The following PLCG2 variants were observed in gnomAD, a reference collection of about 807,000 sequenced individuals.
PLCG2 encodes 1-phosphatidylinositol 4,5-bisphosphate phosphodiesterase gamma-2.
In PLCG2, 69 loss-of-function variants were observed where a neutral mutation model predicts 175.6. That is an observed-to-expected ratio of 0.39 (90% CI 0.32 to 0.48). PLCG2 has a LOEUF of 0.48. Ranked by LOEUF, PLCG2 falls within the 20% of genes least tolerant of loss-of-function variation. The pLI is 0.91. For synonymous variants in PLCG2, 827 were observed against 624.0 expected, an observed-to-expected ratio of 1.33 and a Z score of -4.85; for missense variants, 1,798 against 1,650.9, an observed-to-expected ratio of 1.09 and a Z score of -1.54.
At chr16:81,766,762 A>G (rs1442582758) in intron 2 of PLCG2, 3 of 152,172 alleles carry the variant, frequency 2.0e-5, no homozygotes, top group Non-Finnish European at 4.4e-5. Context: ...AGTGTTCAGT[A>G]TTGTTCATGG....
In PLCG2 at chr16:81,960,838, A is replaced by C. The variant is rs1334798852; in HGVS notation, c.*2840A>C. The C allele has an allele frequency of 4.4e-6, 1 of 229,712 alleles. No homozygotes were observed. The highest frequency in any genetic ancestry group is 2.2e-5 in the African/African-American group (1 of 45,162). 14.2% of individuals were successfully genotyped at this position (229,712 alleles called of 1,614,324 possible). Reference sequence around the variant, plus strand: ...AGTATACCAGAGCTTTCCAAGGAATACACAGACTCCAGTACTCTCAGGGGA... The same window carrying C: ...AGTATACCAGAGCTTTCCAAGGAATCCACAGACTCCAGTACTCTCAGGGGA... On this transcript the variant is annotated 3_prime_UTR_variant, in exon 33 of 33. Transcript: ENST00000564138.
At chr16:81,771,044 C>A (rs1300129823) in intron 2 of PLCG2, among the ~76,000 whole-genome samples, 22 of 132,052 alleles carry the variant, frequency 1.7e-4, no homozygotes, top group Admixed American at 5.9e-4. Flanking sequence ...GGTGACAGAG[C>A]GAGACTCCAT....
chr16:81,891,818 C>T (rs947978736), intron 11 of PLCG2, among the ~76,000 whole-genome samples: 8 of 152,260 alleles, frequency 5.3e-5, no homozygotes, highest in African/African-American at 1.9e-4. Flanking sequence ...CCCTAAAAAG[C>T]TAGTAAAAAC....
chr16:81,954,118 G>A (rs1251862206), intron 31 of PLCG2, among the ~76,000 whole-genome samples: 2 of 152,048 alleles, frequency 1.3e-5, no homozygotes, highest in Non-Finnish European at 1.5e-5. Context: ...AACCTCCTGG[G>A]CTCATGTGAT....
intron 31 of PLCG2, among the ~76,000 whole-genome samples, chr16:81,956,459 G>T (rs551864616): frequency 4.5e-4 from 69 of 152,274 alleles, no homozygotes; most frequent in Non-Finnish European, 7.4e-4. Context: ...TCAATGTTTT[G>T]CAATAAATCA....
intron 6 of PLCG2, among the ~76,000 whole-genome samples, chr16:81,869,625 A>T (rs139649867): frequency 6.6e-6 from 1 of 152,196 alleles, no homozygotes; most frequent in African/African-American, 2.4e-5. Flanking sequence ...AAATGAATGC[A>T]TGTATGTCTT....
chr16:81,886,242 C>G (rs1908359770), intron 9 of PLCG2, among the ~76,000 whole-genome samples: 1 of 152,240 alleles, frequency 6.6e-6, no homozygotes, highest in East Asian at 1.9e-4. Context: ...CTTTGCTGGG[C>G]TGCCCTTAGA....
At chr16:81,878,514 C>G (rs1490038305) in intron 7 of PLCG2, among the ~76,000 whole-genome samples, 1 of 152,130 alleles carries the variant, frequency 6.6e-6, no homozygotes, top group East Asian at 1.9e-4. Context: ...CACCTGTGCC[C>G]CATACTGTCA....
intron 5 of PLCG2, among the ~76,000 whole-genome samples, chr16:81,864,146 G>C (rs991968793): frequency 3.3e-5 from 5 of 152,186 alleles, no homozygotes; most frequent in Non-Finnish European, 5.9e-5. Flanking sequence ...ATTTGTGAAA[G>C]TGGAGGCTGC....
At chr16:81,824,906 C>G (rs1053913708) in intron 2 of PLCG2, among the ~76,000 whole-genome samples, 1 of 152,078 alleles carries the variant, frequency 6.6e-6, no homozygotes, top group Non-Finnish European at 1.5e-5. Context: ...CCAGGTAGGC[C>G]CAATGTAATT....
intron 2 of PLCG2, among the ~76,000 whole-genome samples, chr16:81,837,574 A>G (rs917693684): frequency 6.6e-6 from 1 of 152,182 alleles, no homozygotes; most frequent in African/African-American, 2.4e-5. Context: ...AAGCGTTAAC[A>G]ACAGGCAGTG....
intron 1 of PLCG2, among the ~76,000 whole-genome samples, chr16:81,753,234 G>A (rs916497351): frequency 2.0e-5 from 3 of 151,756 alleles, no homozygotes; most frequent in African/African-American, 7.3e-5. Flanking sequence ...CACACAGCAC[G>A]AGCTTTAGTT....
At chr16:81,792,788 C>G (rs1911298790) in intron 2 of PLCG2, among the ~76,000 whole-genome samples, 1 of 152,112 alleles carries the variant, frequency 6.6e-6, no homozygotes, top group African/African-American at 2.4e-5. Flanking sequence ...TTACCTCCCA[C>G]TGGGTCCCTC....
intron 2 of PLCG2, among the ~76,000 whole-genome samples, chr16:81,797,381 G>C (rs981792935): frequency 1.3e-5 from 2 of 152,152 alleles, no homozygotes; most frequent in African/African-American, 2.4e-5. Flanking sequence ...GTCTTGATTT[G>C]TCTTGGGAGA....
At chr16:81,847,664 G>A (rs1276533883) in intron 2 of PLCG2, among the ~76,000 whole-genome samples, 1 of 152,160 alleles carries the variant, frequency 6.6e-6, no homozygotes, top group East Asian at 1.9e-4. Context: ...ATGGTCGATT[G>A]AAAATATTTG....
chr16:81,857,189 C>G (rs1428571720), intron 3 of PLCG2, among the ~76,000 whole-genome samples: 4 of 152,192 alleles, frequency 2.6e-5, no homozygotes, highest in Non-Finnish European at 5.9e-5. Context: ...CTGTTGATGT[C>G]TCCGTCATCC....
intron 1 of PLCG2, among the ~76,000 whole-genome samples, chr16:81,785,285 T>C (rs1185732070): frequency 6.6e-6 from 1 of 151,982 alleles, no homozygotes; most frequent in Non-Finnish European, 1.5e-5. Context: ...TTCTGAACAC[T>C]CCCATTTTAA....
chr16:81,871,573 A>T (rs914698754), intron 7 of PLCG2, among the ~76,000 whole-genome samples: 2 of 152,058 alleles, frequency 1.3e-5, no homozygotes, highest in Admixed American at 6.6e-5. Context: ...TCTAACCTCA[A>T]CTGATCGGCC....
chr16:81,936,649 A>G (rs777510582), intron 27 of PLCG2, among the ~76,000 whole-genome samples: 20 of 152,306 alleles, frequency 1.3e-4, no homozygotes, highest in Non-Finnish European at 2.4e-4. Flanking sequence ...AAGAAAATGC[A>G]TTAGTTCATG....
Sources: gnomAD v4.1 joint callset for allele counts (sites outside exome capture counted in the v4.1 genomes callset) on GRCh38, gnomAD v4.1.1 for gene constraint, MANE v1.5 for transcripts, NCBI Gene and HGNC (gene_info 2026-07-23, HGNC 2026-07-21) for gene names.